OPCML: variants seen among roughly 807,000 people sequenced by gnomAD.
OPCML encodes opioid-binding protein/cell adhesion molecule.
A neutral mutation model predicts 37.8 loss-of-function variants in OPCML; 13 were observed. The ratio of observed to expected loss-of-function variants is 0.34; its 90% CI spans 0.22 to 0.55. The LOEUF is 0.55. Ranked by LOEUF, OPCML falls within the 20% of genes least tolerant of loss-of-function variation. OPCML has a pLI of 0.91. For synonymous variants in OPCML, 176 were observed against 168.8 expected, an observed-to-expected ratio of 1.04 and a Z score of -0.33; for missense variants, 341 against 435.6, an observed-to-expected ratio of 0.78 and a Z score of 1.93.
At chr11:132,540,425 A>T (rs758854331) in intron 3 of OPCML, among the ~76,000 whole-genome samples, 2 of 152,140 alleles carry the variant, frequency 1.3e-5, no homozygotes, top group East Asian at 3.9e-4. Context: ...GAAAAATACA[A>T]CCTCTCAGGA....
intron 1 of OPCML, among the ~76,000 whole-genome samples, chr11:133,049,746 C>T (rs1001364361): frequency 4.6e-5 from 7 of 152,194 alleles, no homozygotes; most frequent in African/African-American, 1.2e-4. Context: ...GTTTCACTCC[C>T]GTGCTGTGCT....
At chr11:132,895,591 G>A (rs1329665389) in intron 2 of OPCML, among the ~76,000 whole-genome samples, 1 of 152,216 alleles carries the variant, frequency 6.6e-6, no homozygotes, top group African/African-American at 2.4e-5. Context: ...AAGTTGAGAT[G>A]GGGATGTGTG....
At chr11:132,920,322 C>T (rs914308395) in intron 2 of OPCML, among the ~76,000 whole-genome samples, 1 of 152,246 alleles carries the variant, frequency 6.6e-6, no homozygotes, top group Non-Finnish European at 1.5e-5. Context: ...GAGACTCATG[C>T]AAATGGACTG....
At chr11:132,714,642 G>C (rs1034037161) in intron 2 of OPCML, among the ~76,000 whole-genome samples, 1 of 152,198 alleles carries the variant, frequency 6.6e-6, no homozygotes, top group African/African-American at 2.4e-5. Context: ...TGGTGCCAGA[G>C]TGGAAACAGG....
intron 1 of OPCML, among the ~76,000 whole-genome samples, chr11:133,346,946 A>G (rs1944016957): frequency 6.6e-6 from 1 of 152,146 alleles, no homozygotes; most frequent in African/African-American, 2.4e-5. Flanking sequence ...CTGAAGACTG[A>G]CTTTCCTGAC....
intron 1 of OPCML, among the ~76,000 whole-genome samples, chr11:133,341,193 G>C (rs1300669231): frequency 6.6e-6 from 1 of 152,024 alleles, no homozygotes; most frequent in Non-Finnish European, 1.5e-5. Context: ...TCAATAAATA[G>C]TCAACCAAAA....
In OPCML at chr11:133,093,260, T is replaced by C. The variant is rs530456592; in HGVS notation, c.62-150250A>G. ...TCCCCTGCGTCCCCCAAATCCAATG[T>C]ATCGTTCTTTTTTTTCCATTTTCAT... On this transcript the variant is annotated intron_variant, in intron 1 of 7. Coordinates refer to ENST00000524381, the MANE Select transcript of OPCML (RefSeq NM_001012393.5). Among the ~76,000 whole-genome samples, 10 of 148,012 alleles carry C rather than the reference T, an allele frequency of 6.8e-5. No homozygotes were observed. In the South Asian group the frequency reaches 2.3e-3, roughly 33 times the overall value.
chr11:132,699,076 T>C (rs1943708624), intron 2 of OPCML, among the ~76,000 whole-genome samples: 1 of 152,096 alleles, frequency 6.6e-6, no homozygotes, highest in Non-Finnish European at 1.5e-5. Context: ...TACAAGTCTT[T>C]TACCTCCTGG....
intron 2 of OPCML, among the ~76,000 whole-genome samples, chr11:132,834,134 T>A (rs915031092): frequency 2.0e-5 from 3 of 152,294 alleles, no homozygotes; most frequent in Non-Finnish European, 2.9e-5. Context: ...TTGATTATAA[T>A]CCATTTAAAA....
At chr11:133,527,016 T>C (rs1948504812) in intron 1 of OPCML, among the ~76,000 whole-genome samples, 1 of 152,224 alleles carries the variant, frequency 6.6e-6, no homozygotes, top group African/African-American at 2.4e-5. Flanking sequence ...CTGACAGGAA[T>C]CACAGTTTGC....
At chr11:133,273,339 C>G (rs1042903228) in intron 1 of OPCML, among the ~76,000 whole-genome samples, 13 of 152,132 alleles carry the variant, frequency 8.5e-5, no homozygotes, top group East Asian at 7.8e-4. Flanking sequence ...GGGTGCACAC[C>G]CAAGAGCCAG....
chr11:133,127,595 C>T (rs1409120112), intron 1 of OPCML, among the ~76,000 whole-genome samples: 2 of 150,982 alleles, frequency 1.3e-5, no homozygotes, highest in East Asian at 2.0e-4. Context: ...ACTGCACCAC[C>T]GCATTCCAGC....
chr11:133,344,531 C>A (rs899371946), intron 1 of OPCML, among the ~76,000 whole-genome samples: 1 of 152,168 alleles, frequency 6.6e-6, no homozygotes, highest in African/African-American at 2.4e-5. Context: ...ACCCTTGCTT[C>A]CCCTGTGCAT....
At chr11:132,990,819 A>C (rs1284366727) in intron 1 of OPCML, among the ~76,000 whole-genome samples, 3 of 152,240 alleles carry the variant, frequency 2.0e-5, no homozygotes, top group African/African-American at 4.8e-5. Flanking sequence ...AATAGAGTTC[A>C]TAATGGTAAC....
chr11:133,435,146 CTTATATTT>C lies in OPCML; in HGVS notation c.61+97110_61+97117del, dbSNP rs572236124. Among the ~76,000 whole-genome samples the C allele has an allele frequency of 5.9e-5, 9 of 152,006 alleles. No individual in the cohort carries two copies. The South Asian group carries it at 1.9e-3, about 32-fold the overall frequency. The stretch of plus-strand genomic sequence containing the variant: ...AATCATTAAGGGTCCAAAGGGGTCA[CTTATATTT>C]TTCAGTTATATTTTATTGCATTTTA... On this transcript the variant is annotated intron_variant, in intron 1 of 7. Transcript: ENST00000524381.
At chr11:132,808,240 G>A (rs1448092558) in intron 2 of OPCML, among the ~76,000 whole-genome samples, 1 of 152,182 alleles carries the variant, frequency 6.6e-6, no homozygotes, top group Non-Finnish European at 1.5e-5. Context: ...ATAAAGCTCC[G>A]ACTGCGGGAT....
At chr11:133,150,357 A>C (rs879505334) in intron 1 of OPCML, among the ~76,000 whole-genome samples, 10 of 152,224 alleles carry the variant, frequency 6.6e-5, no homozygotes, top group Non-Finnish European at 1.3e-4. Flanking sequence ...CAGATGAAGA[A>C]TCTGAGGTTC....
chr11:133,458,793 A>G lies in OPCML; in HGVS notation c.61+73471T>C, dbSNP rs538681271. Reference sequence around the variant, plus strand: ...CGTGTGTGTATATACACATAGATGCACGTGTGTGTGTATATACACATAGAT... The same window carrying G: ...CGTGTGTGTATATACACATAGATGCGCGTGTGTGTGTATATACACATAGAT... On this transcript the variant is annotated intron_variant, in intron 1 of 7. Coordinates refer to ENST00000524381, the MANE Select transcript of OPCML (RefSeq NM_001012393.5). Among the ~76,000 whole-genome samples the G allele has an allele frequency of 1.5e-4, 22 of 148,484 alleles. 2 individuals are homozygous for G. Among genetic ancestry groups the G allele is most frequent in the African/African-American group, 5.2e-4 (21 of 40,240 alleles).
chr11:133,204,852 A>T (rs943621467), intron 1 of OPCML, among the ~76,000 whole-genome samples: 7 of 52,324 alleles, frequency 1.3e-4, no homozygotes, highest in African/African-American at 5.2e-4. Flanking sequence ...GTGATCTATT[A>T]TATATATATA....
Sources: gnomAD v4.1 joint callset for allele counts (sites outside exome capture counted in the v4.1 genomes callset) on GRCh38, gnomAD v4.1.1 for gene constraint, MANE v1.5 for transcripts, NCBI Gene and HGNC (gene_info 2026-07-23, HGNC 2026-07-21) for gene names.